CEP112: variants seen among roughly 807,000 people sequenced by gnomAD.
CEP112 encodes centrosomal protein 112, also known as centrosomal protein of 112 kDa.
In CEP112, 127 loss-of-function variants were observed where a neutral mutation model predicts 153.0. The ratio of observed to expected loss-of-function variants is 0.83; its 90% CI spans 0.72 to 0.96. The LOEUF (loss-of-function observed/expected upper bound fraction) is 0.96, where lower values mean the gene tolerates loss of function less well. Ranked by LOEUF, CEP112 falls within the 40% of genes least tolerant of loss-of-function variation. The pLI is 0.00. For missense variants in CEP112, 1,089 were observed against 1,101.2 expected (o/e 0.99, Z 0.16); for synonymous variants, 358 against 374.4 (o/e 0.96, Z 0.51).
chr17:66,006,117 T>G (rs149243414), intron 16 of CEP112, among the ~76,000 whole-genome samples: 2 of 152,250 alleles, frequency 1.3e-5, no homozygotes, highest in African/African-American at 4.8e-5. Flanking sequence ...AAACAATGTG[T>G]CTATATTCCC....
chr17:66,182,815 G>C (rs890843909), intron 2 of CEP112, among the ~76,000 whole-genome samples: 1 of 152,190 alleles, frequency 6.6e-6, no homozygotes, highest in African/African-American at 2.4e-5. Flanking sequence ...GACAGGGCCG[G>C]AGAACAGGAG....
intron 24 of CEP112, among the ~76,000 whole-genome samples, chr17:65,671,313 C>A (rs1030223589): frequency 2.6e-5 from 4 of 152,168 alleles, no homozygotes; most frequent in African/African-American, 7.2e-5. Context: ...GGGAGAAGTA[C>A]CCCCATGTAC....
At chr17:66,097,126 T>C (rs1316719474) in intron 6 of CEP112, among the ~76,000 whole-genome samples, 1 of 152,188 alleles carries the variant, frequency 6.6e-6, no homozygotes, top group Non-Finnish European at 1.5e-5. Context: ...AAAATTCCTT[T>C]GGGACTCCCC....
chr17:66,073,379 A>T lies in CEP112; in HGVS notation c.769-3378T>A, dbSNP rs146376946. Among the ~76,000 whole-genome samples the T allele has an allele frequency of 8.5e-5, 13 of 152,320 alleles. No homozygotes were observed. In the East Asian group the frequency reaches 2.5e-3, roughly 29 times the overall value. On this transcript the variant is annotated intron_variant, in intron 8 of 26. Coordinates refer to ENST00000535342, the MANE Select transcript of CEP112 (RefSeq NM_001199165.4). ...GCAGAGGTCAGAGTTCTGAGCAGTTAAAGAATCTTAAATGCAGGGTACTAA... is the reference window on the plus strand; with the variant it reads ...GCAGAGGTCAGAGTTCTGAGCAGTTTAAGAATCTTAAATGCAGGGTACTAA...
chr17:66,075,890 T>C (rs1211795679), intron 8 of CEP112, among the ~76,000 whole-genome samples: 2 of 152,150 alleles, frequency 1.3e-5, no homozygotes, highest in African/African-American at 2.4e-5. Context: ...GTTCCCAAAC[T>C]GCAGAAGTGG....
At chr17:66,071,171 TAACATATC>T (rs1163751888) in intron 8 of CEP112, among the ~76,000 whole-genome samples, 1 of 152,162 alleles carries the variant, frequency 6.6e-6, no homozygotes, top group Non-Finnish European at 1.5e-5. Flanking sequence ...TATATCATAT[TAACATATC>T]AAACTGAGAT....
chr17:65,652,467 ATTT>A (rs1353527784), intron 24 of CEP112, among the ~76,000 whole-genome samples: 1 of 151,922 alleles, frequency 6.6e-6, no homozygotes, highest in Non-Finnish European at 1.5e-5. Context: ...CTTAATGGAG[ATTT>A]TTATTATATA....
intron 19 of CEP112, among the ~76,000 whole-genome samples, chr17:65,911,806 A>G (rs946489916): frequency 2.0e-5 from 3 of 152,196 alleles, no homozygotes; most frequent in African/African-American, 7.2e-5. Context: ...GTTTTTGTCT[A>G]TATATCTACT....
At chr17:66,066,973 G>A in intron 9 of CEP112, 96 bp from the exon 10 acceptor site, 1 of 706,132 alleles carries the variant, frequency 1.4e-6, no homozygotes, top group South Asian at 2.7e-5. Context: ...AACATAAATA[G>A]AAAAAGTGAT....
At chr17:66,131,746 C>T (rs536195134) in intron 5 of CEP112, among the ~76,000 whole-genome samples, 1 of 151,196 alleles carries the variant, frequency 6.6e-6, no homozygotes, top group African/African-American at 2.4e-5. Context: ...GACTCCATCA[C>T]AAAAAAACAA....
chr17:65,857,729 T>C (rs2058173383), intron 20 of CEP112, among the ~76,000 whole-genome samples: 2 of 152,282 alleles, frequency 1.3e-5, no homozygotes, highest in East Asian at 1.9e-4. Flanking sequence ...CTCCTTGGCA[T>C]ATTTTTAAAT....
intron 12 of CEP112, among the ~76,000 whole-genome samples, chr17:66,049,500 A>G (rs967300048): frequency 2.6e-5 from 4 of 152,262 alleles, no homozygotes; most frequent in African/African-American, 9.6e-5. Flanking sequence ...CTGTAATCAC[A>G]GCACTTTGGG....
At chr17:65,939,917 AC>A in intron 18 of CEP112, among the ~76,000 whole-genome samples, 1 of 152,328 alleles carries the variant, frequency 6.6e-6, no homozygotes, top group East Asian at 1.9e-4. Context: ...ATGTTTCTGC[AC>A]AGGAAACTAA....
chr17:65,950,075 A>G (rs1028835636), intron 18 of CEP112, among the ~76,000 whole-genome samples: 7 of 152,170 alleles, frequency 4.6e-5, no homozygotes, highest in African/African-American at 1.7e-4. Context: ...ATGGAGACAC[A>G]GTGTTAAAAT....
At chr17:65,975,861 C>G (rs977707725) in intron 17 of CEP112, among the ~76,000 whole-genome samples, 1 of 152,184 alleles carries the variant, frequency 6.6e-6, no homozygotes, top group Non-Finnish European at 1.5e-5. Flanking sequence ...AGGTGATTAT[C>G]TCCAGGGAAG....
intron 23 of CEP112, among the ~76,000 whole-genome samples, chr17:65,691,269 T>G: frequency 6.6e-6 from 1 of 152,156 alleles, no homozygotes; most frequent in South Asian, 2.1e-4. Context: ...TAAATTAGTG[T>G]CCATTAAAGA....
At chr17:66,051,371 T>C (rs1166149668) in intron 12 of CEP112, among the ~76,000 whole-genome samples, 1 of 148,796 alleles carries the variant, frequency 6.7e-6, no homozygotes, top group Non-Finnish European at 1.5e-5. Context: ...TGTATATTAA[T>C]ATAATATTTT....
At position 66,053,736 on chromosome 17, in the gene CEP112, T is replaced by C. The variant is rs752580307; in HGVS notation, c.1218A>G (p.Thr406=). 1 of 1,611,622 alleles carries C rather than the reference T, an allele frequency of 6.2e-7. No homozygotes were observed. Among genetic ancestry groups the C allele is most frequent in the South Asian group, 1.1e-5 (1 of 90,302 alleles). Residue 406 remains threonine (T), a splice_region_variant and synonymous_variant, in exon 12 of 27, where the codon ACA becomes ACG. Coordinates refer to ENST00000535342, the MANE Select transcript of CEP112 (RefSeq NM_001199165.4). The part of the protein sequence containing the change: ...ESEYMAQTQS[T]NHMIKELEAR... ...GTCAAGAACAGGTTTAAAGACTCACTGTGGACTGTGTTTGCGCCATGTATT... is the reference window on the plus strand; with the variant it reads ...GTCAAGAACAGGTTTAAAGACTCACCGTGGACTGTGTTTGCGCCATGTATT...
At chr17:66,039,041 C>T (rs186456650) in intron 12 of CEP112, among the ~76,000 whole-genome samples, 2 of 152,070 alleles carry the variant, frequency 1.3e-5, no homozygotes, top group Non-Finnish European at 2.9e-5. Flanking sequence ...CTGTAACATA[C>T]TAAATAAGGG....
Sources: allele counts gnomAD v4.1 joint callset (sites outside exome capture counted in the v4.1 genomes callset), GRCh38; gene constraint gnomAD v4.1.1; transcripts MANE v1.5; gene names NCBI Gene and HGNC (gene_info 2026-07-23, HGNC 2026-07-21).